The following PAM variants were observed in gnomAD, a reference collection of about 807,000 sequenced individuals.
PAM encodes the protein peptidyl-glycine alpha-amidating monooxygenase.
In PAM, 72 loss-of-function variants were observed where a neutral mutation model predicts 122.1. The ratio of observed to expected loss-of-function variants is 0.59; its 90% CI spans 0.49 to 0.72. PAM has a LOEUF of 0.72. PAM is among the 30% of genes least tolerant of loss of function. The pLI is 0.00. For synonymous variants in PAM, 389 were observed against 404.4 expected (o/e 0.96, Z 0.46); for missense variants, 1,106 against 1,183.7 (o/e 0.93, Z 0.96).
chr5:102,970,005 A>C (rs896362268), intron 14 of PAM, among the ~76,000 whole-genome samples: 1 of 152,214 alleles, frequency 6.6e-6, no homozygotes, highest in Non-Finnish European at 1.5e-5. Flanking sequence ...AAAGAACAAC[A>C]TTATAAGGAG....
At chr5:102,952,864 C>T (rs1759395814) in intron 12 of PAM, among the ~76,000 whole-genome samples, 1 of 152,030 alleles carries the variant, frequency 6.6e-6, no homozygotes, top group African/African-American at 2.4e-5. Context: ...CTTCTCTTTT[C>T]CCATCTACCT....
Position 103,019,799 on chromosome 5 carries a change from A to T in PAM, c.2441A>T (p.His814Leu), listed in dbSNP as rs1783047046. 2 of 1,606,756 alleles carry T rather than the reference A, an allele frequency of 1.2e-6. No individual in the cohort carries two copies. The highest frequency in any genetic ancestry group is 4.5e-5 in the East Asian group (2 of 44,782). Residue 814 changes from histidine (H) to leucine (L), a missense_variant, in exon 23 of 26, where the codon CAT (histidine) becomes CTT (leucine). By Grantham distance (99) the His-to-Leu change is moderately conservative. Coordinates refer to ENST00000438793, the MANE Select transcript of PAM (RefSeq NM_001177306.2). The stretch of plus-strand genomic sequence containing the variant: ...TGTTGTGTTGTTACAGAATTGGAAC[A>T]TCGATCAGTTAAAAAGGCTGGCATT... ...WKFTLTEKLE[H>L]RSVKKAGIEV...
chr5:102,770,193 T>A (rs955964858), intron 1 of PAM, among the ~76,000 whole-genome samples: 1 of 152,122 alleles, frequency 6.6e-6, no homozygotes, highest in Non-Finnish European at 1.5e-5. Flanking sequence ...GATTTTTGTA[T>A]GTTGGTCTTT....
At chr5:103,027,536 A>G (rs1429043079) in intron 24 of PAM, among the ~76,000 whole-genome samples, 1 of 152,178 alleles carries the variant, frequency 6.6e-6, no homozygotes, top group Non-Finnish European at 1.5e-5. Context: ...CCCATAAGGA[A>G]AGAGAGTCTG....
intron 4 of PAM, among the ~76,000 whole-genome samples, chr5:102,910,526 A>C (rs914211612): frequency 6.6e-6 from 1 of 151,906 alleles, no homozygotes; most frequent in African/African-American, 2.4e-5. Flanking sequence ...TACATCAGGC[A>C]ATCTGAACTG....
At chr5:102,894,827 A>G (rs1033262157) in intron 3 of PAM, among the ~76,000 whole-genome samples, 6 of 151,690 alleles carry the variant, frequency 4.0e-5, no homozygotes, top group African/African-American at 1.5e-4. Flanking sequence ...CCTTCCTTTC[A>G]AATCCACTCC....
At chr5:102,757,769 G>A (rs1375351508) in intron 1 of PAM, among the ~76,000 whole-genome samples, 1 of 152,096 alleles carries the variant, frequency 6.6e-6, no homozygotes. Context: ...GACTGAGTGT[G>A]GTGGCTCATG....
chr5:102,877,517 C>T (rs1789621187), intron 3 of PAM, among the ~76,000 whole-genome samples: 1 of 152,106 alleles, frequency 6.6e-6, no homozygotes, highest in Admixed American at 6.5e-5. Context: ...GAATGTAGTT[C>T]AAGAGGTAGG....
intron 15 of PAM, among the ~76,000 whole-genome samples, chr5:102,985,124 A>G (rs1436601089): frequency 6.6e-6 from 1 of 152,112 alleles, no homozygotes; most frequent in Non-Finnish European, 1.5e-5. Context: ...ACCTACATCA[A>G]AGAGTAGAAG....
At chr5:102,773,709 A>G (rs1337475254) in intron 1 of PAM, among the ~76,000 whole-genome samples, 1 of 152,002 alleles carries the variant, frequency 6.6e-6, no homozygotes, top group Non-Finnish European at 1.5e-5. Flanking sequence ...TTCATTAGTT[A>G]ATTAACTTAT....
intron 1 of PAM, among the ~76,000 whole-genome samples, chr5:102,818,910 T>C (rs1418408714): frequency 6.6e-6 from 1 of 152,196 alleles, no homozygotes. Context: ...CTTTTCATCA[T>C]ATTTGTGCAC....
chr5:102,939,994 C>G (rs1016630504), intron 7 of PAM, among the ~76,000 whole-genome samples: 15 of 151,900 alleles, frequency 9.9e-5, no homozygotes, highest in Admixed American at 3.3e-4. Context: ...AGGTTACCCT[C>G]CCTTTGTTTA....
chr5:102,768,855 G>A (rs1754935439), intron 1 of PAM, among the ~76,000 whole-genome samples: 1 of 152,024 alleles, frequency 6.6e-6, no homozygotes, highest in Admixed American at 6.6e-5. Context: ...CCTAGCAGTG[G>A]GACATATATA....
intron 3 of PAM, among the ~76,000 whole-genome samples, chr5:102,890,657 T>C (rs940515878): frequency 6.6e-6 from 1 of 151,902 alleles, no homozygotes; most frequent in Non-Finnish European, 1.5e-5. Flanking sequence ...CTTACCATGA[T>C]GTGTGGATTT....
At chr5:102,762,013 C>T (rs1382180234) in intron 1 of PAM, among the ~76,000 whole-genome samples, 1 of 152,184 alleles carries the variant, frequency 6.6e-6, no homozygotes, top group Non-Finnish European at 1.5e-5. Context: ...ATAAAGCAGG[C>T]ATTTGTTAAC....
At chr5:102,860,536 A>G (rs1374512493) in intron 1 of PAM, among the ~76,000 whole-genome samples, 2 of 151,980 alleles carry the variant, frequency 1.3e-5, no homozygotes, top group Admixed American at 1.3e-4. Context: ...TACAAAACAA[A>G]TTAGCCAGGT....
Position 102,974,169 on chromosome 5 carries a change from C to T in PAM, c.1216C>T (p.His406Tyr). 1 of 1,613,788 alleles carries T rather than the reference C, an allele frequency of 6.2e-7. No homozygotes were observed. The highest frequency in any genetic ancestry group is 1.3e-5 in the African/African-American group (1 of 75,024). ...GCTAGGAGAAAGGGAAGATGTTGTT[C>T]ATGTGCACAAATATAATCCTACAGA... ...KLLGEREDVV[H>Y]VHKYNPTEKA... The change falls in exon 15 of 26, where the codon CAT becomes TAT. Residue 406 changes from histidine (H) to tyrosine (Y), a missense_variant. By Grantham distance (83) the His-to-Tyr change is moderately conservative. This residue lies in a region of PAM where 670 missense variants were observed against 690.3 expected (regional missense o/e 0.97). Transcript: ENST00000438793.
At chr5:102,766,382 C>T (rs922444078) in intron 1 of PAM, among the ~76,000 whole-genome samples, 2 of 152,188 alleles carry the variant, frequency 1.3e-5, no homozygotes, top group Admixed American at 1.3e-4. Flanking sequence ...ATTAGATTCT[C>T]ATAAGGAGCT....
chr5:102,783,813 A>G (rs947500453), intron 1 of PAM, among the ~76,000 whole-genome samples: 1 of 152,300 alleles, frequency 6.6e-6, no homozygotes, highest in East Asian at 1.9e-4. Context: ...CTGGAGGGTG[A>G]CAGCCTCAGG....
Sources: gnomAD v4.1 joint callset for allele counts (sites outside exome capture counted in the v4.1 genomes callset) on GRCh38, gnomAD v4.1.1 for gene constraint, gnomAD v4.1.1 regional missense constraint, MANE v1.5 for transcripts, NCBI Gene and HGNC (gene_info 2026-07-23, HGNC 2026-07-21) for gene names.